Variants in TMEM132D observed in about 807,000 individuals in gnomAD.
The protein encoded by TMEM132D is transmembrane protein 132D.
TMEM132D carries 21 observed loss-of-function variants against 62.3 expected under a neutral mutation model. The observed-to-expected ratio is 0.34, with a 90% CI of 0.24 to 0.49. The LOEUF (loss-of-function observed/expected upper bound fraction) is 0.49. Among genes scored for constraint, TMEM132D ranks in the 20% least tolerant of loss-of-function variants. TMEM132D has a pLI of 0.99. For synonymous variants in TMEM132D, 621 were observed against 575.6 expected, an observed-to-expected ratio of 1.08 and a Z score of -1.13; for missense variants, 1,346 against 1,402.8, an observed-to-expected ratio of 0.96 and a Z score of 0.65.
chr12:129,551,396 G>T (rs1246663580), intron 2 of TMEM132D, among the ~76,000 whole-genome samples: 1 of 152,218 alleles, frequency 6.6e-6, no homozygotes, highest in Non-Finnish European at 1.5e-5. Context: ...GGCTTAGGAA[G>T]GCATGTCTCT....
intron 1 of TMEM132D, among the ~76,000 whole-genome samples, chr12:129,894,972 C>G (rs1252312483): frequency 6.6e-6 from 1 of 152,204 alleles, no homozygotes; most frequent in Non-Finnish European, 1.5e-5. Context: ...CACGCAAAGG[C>G]CTTACCACTC....
chr12:129,448,692 A>G (rs1244748824), intron 3 of TMEM132D, among the ~76,000 whole-genome samples: 3 of 152,198 alleles, frequency 2.0e-5, no homozygotes, highest in African/African-American at 7.2e-5. Context: ...AGTACATTTT[A>G]AAAACATTCT....
At chr12:129,646,709 T>C (rs1417470519) in intron 2 of TMEM132D, among the ~76,000 whole-genome samples, 1 of 152,168 alleles carries the variant, frequency 6.6e-6, no homozygotes, top group Admixed American at 6.6e-5. Context: ...TATGCGTGTA[T>C]ATATACAATA....
chr12:129,470,842 G>C (rs555678807), intron 3 of TMEM132D, among the ~76,000 whole-genome samples: 54 of 152,282 alleles, frequency 3.5e-4, no homozygotes, highest in African/African-American at 1.3e-3. Flanking sequence ...CTTGTCAGTT[G>C]TGAGAATTTT....
intron 2 of TMEM132D, among the ~76,000 whole-genome samples, chr12:129,551,449 C>T (rs925874830): frequency 5.3e-5 from 8 of 152,114 alleles, no homozygotes; most frequent in African/African-American, 1.9e-4. Context: ...TTGAATGTGT[C>T]CTACAAATAT....
chr12:129,452,697 GAAGAA>G (rs914636465), intron 3 of TMEM132D, among the ~76,000 whole-genome samples: 1 of 149,488 alleles, frequency 6.7e-6, no homozygotes, highest in Non-Finnish European at 1.5e-5. Context: ...AAGAAAAAAA[GAAGAA>G]AAGAAAGAAG....
intron 4 of TMEM132D, among the ~76,000 whole-genome samples, chr12:129,222,080 G>C (rs79295896): frequency 0.068 from 10,309 of 152,104 alleles, 476 homozygotes; most frequent in Non-Finnish European, 0.1. Context: ...ATGGTATGCA[G>C]AGGGATTGCA....
chr12:129,728,807 C>T (rs994163217), intron 1 of TMEM132D, among the ~76,000 whole-genome samples: 6 of 152,170 alleles, frequency 3.9e-5, no homozygotes, highest in Non-Finnish European at 7.3e-5. Context: ...ATTGCCCAAA[C>T]TCAGTGCTTC....
In TMEM132D at chr12:129,552,369, CTGTT is replaced by C. The variant is rs921579990; in HGVS notation, c.969-21168_969-21165del. Reference sequence around the variant, plus strand: ...TATTATCTATATACCTAACATCTATCTGTTTATATCCATTATCTATTATCTACCT... The same window carrying C: ...TATTATCTATATACCTAACATCTATCTATATCCATTATCTATTATCTACCT... On this transcript the variant is annotated intron_variant, in intron 2 of 8. Coordinates refer to ENST00000422113, the MANE Select transcript of TMEM132D (RefSeq NM_133448.3). 2.0e-4 allele frequency among the ~76,000 whole-genome samples: 30 copies of C among 152,276 alleles called. No individual in the cohort carries two copies. In the South Asian group the frequency reaches 6.0e-3, roughly 31 times the overall value.
intron 3 of TMEM132D, among the ~76,000 whole-genome samples, chr12:129,469,382 G>C (rs1874025581): frequency 2.0e-5 from 3 of 152,190 alleles, no homozygotes; most frequent in Admixed American, 2.0e-4. Context: ...CTGGGAGCTT[G>C]TTAAAAATGC....
At chr12:129,168,008 G>T (rs1593283388) in intron 5 of TMEM132D, among the ~76,000 whole-genome samples, 1 of 151,944 alleles carries the variant, frequency 6.6e-6, no homozygotes, top group African/African-American at 2.4e-5. Context: ...TCCTCTGAGT[G>T]GTTTCCAAAA....
chr12:129,087,258 C>T (rs767485782), intron 5 of TMEM132D, among the ~76,000 whole-genome samples: 10 of 151,966 alleles, frequency 6.6e-5, no homozygotes, highest in East Asian at 1.9e-4. Context: ...GTGCACTTAG[C>T]GTCATGTCCT....
rs145162985 is a variant in TMEM132D, at chr12:129,269,464, G to A, written c.1300-59801C>T. Among the ~76,000 whole-genome samples, 769 of 151,902 alleles carry A rather than the reference G, an allele frequency of 5.1e-3. 3 individuals carry two copies. The highest frequency in any genetic ancestry group is 0.018 in the African/African-American group (729 of 41,394). On this transcript the variant is annotated intron_variant, in intron 4 of 8. Transcript: ENST00000422113. ...TAGATTCCTAGTTACATGAAAGCAG[G>A]ACTTTTGCTAGCCCTGTCTCAACAC...
chr12:129,309,901 C>T (rs1183166782), intron 4 of TMEM132D, among the ~76,000 whole-genome samples: 1 of 152,094 alleles, frequency 6.6e-6, no homozygotes, highest in African/African-American at 2.4e-5. Context: ...TCGTCCTCTG[C>T]AGCTGGAGCG....
At chr12:129,698,546 GA>G (rs1881266756) in intron 2 of TMEM132D, among the ~76,000 whole-genome samples, 1 of 20,114 alleles carries the variant, frequency 5.0e-5, no homozygotes, top group Non-Finnish European at 1.1e-4. Context: ...GAAGGGAGGG[GA>G]GGGGAGGGGA....
chr12:129,399,070 A>G, intron 3 of TMEM132D, among the ~76,000 whole-genome samples: 1 of 150,462 alleles, frequency 6.6e-6, no homozygotes, highest in East Asian at 1.9e-4. Flanking sequence ...GAGCACACAC[A>G]TGGGACAAGG....
chr12:129,186,049 C>T (rs557132870), intron 5 of TMEM132D, among the ~76,000 whole-genome samples: 67 of 152,304 alleles, frequency 4.4e-4, no homozygotes, highest in African/African-American at 1.5e-3. Context: ...GCTCCTTGAC[C>T]CCTGCTGACC....
Position 129,341,857 on chromosome 12 carries a change from C to G in TMEM132D, c.1116-4040G>C, listed in dbSNP as rs1376372987. Among the ~76,000 whole-genome samples the G allele has an allele frequency of 5.3e-5, 8 of 152,102 alleles. No individual in the cohort carries two copies. The East Asian group carries it at 1.5e-3, about 29-fold the overall frequency. On this transcript the variant is annotated intron_variant, in intron 3 of 8. Coordinates refer to ENST00000422113, the MANE Select transcript of TMEM132D (RefSeq NM_133448.3). ...CAAAGAGAATAAAATACCTAGGAAT[C>G]CAACTTACAAGGGATGTGAAGGACC...
intron 4 of TMEM132D, among the ~76,000 whole-genome samples, chr12:129,231,445 T>C (rs1879637005): frequency 6.6e-6 from 1 of 152,226 alleles, no homozygotes; most frequent in Admixed American, 6.5e-5. Flanking sequence ...TTCCTGAAGC[T>C]AGAGGTATAA....
Sources: allele counts gnomAD v4.1 joint callset (sites outside exome capture counted in the v4.1 genomes callset), GRCh38; gene constraint gnomAD v4.1.1; transcripts MANE v1.5; gene names NCBI Gene and HGNC (gene_info 2026-07-23, HGNC 2026-07-21).